FRMPD4: variants seen among roughly 807,000 people sequenced by gnomAD.
The protein encoded by FRMPD4 is FERM and PDZ domain containing 4.
Under a neutral mutation model 94.1 loss-of-function variants are expected in FRMPD4, and 22 were observed. That is an observed-to-expected ratio of 0.23 (90% confidence interval 0.17 to 0.33). FRMPD4 has a LOEUF of 0.33. Among genes scored for constraint, FRMPD4 ranks in the 10% least tolerant of loss-of-function variants. The pLI is 1.00. For missense variants in FRMPD4, 1,111 were observed against 1,339.9 expected (o/e 0.83, Z 2.67); for synonymous variants, 631 against 548.6 (o/e 1.15, Z -2.10).
rs764443016 is a variant in FRMPD4 at position 11,906,437 on chromosome X, G to A, written c.95+28419G>A. 8.1e-5 allele frequency among the ~76,000 whole-genome samples: 9 copies of A among 111,267 alleles called. No individual in the cohort carries two copies. In the East Asian group the frequency reaches 8.4e-4, roughly 10 times the overall value. On this transcript the variant is annotated intron_variant, in intron 3 of 18. Coordinates refer to the FRMPD4 transcript ENST00000640291. ...GCTAGGATTACAGGCGTGAGCCACC[G>A]CACCCGGCCCAATTTCCCTCCATTT...
At chrX:12,278,335 C>T (rs1268813817) in intron 1 of FRMPD4, among the ~76,000 whole-genome samples, 2 of 111,979 alleles carry the variant, frequency 1.8e-5, no homozygotes, top group Admixed American at 1.9e-4. Context: ...TGCTTTTTGT[C>T]ACAGATGCTC....
Position 12,567,266 on chromosome X carries a change from C to A in FRMPD4, c.159-42455C>A, listed in dbSNP as rs190109960. The stretch of plus-strand genomic sequence containing the variant: ...TTGCACAATACTTATTTTCTAAGAA[C>A]CCCTCCAATGCTGGTTGTCCCAGAG... On this transcript the variant is annotated intron_variant, in intron 2 of 16. Coordinates refer to ENST00000675598, the MANE Select transcript of FRMPD4 (RefSeq NM_001368397.1). 5.6e-4 allele frequency among the ~76,000 whole-genome samples: 62 copies of A among 111,693 alleles called. No individual in the cohort carries two copies. In the East Asian group the frequency reaches 0.013, roughly 24 times the overall value.
rs1002228185 is a variant in FRMPD4 at position 12,138,639 on chromosome X, G to A, written c.-333G>A. 1.4e-5 allele frequency: 4 copies of A among 292,398 alleles called. No homozygotes were observed. The highest frequency in any genetic ancestry group is 8.2e-5 in the African/African-American group (3 of 36,431). 24.1% of individuals were successfully genotyped at this position (292,398 alleles called of 1,213,427 possible). A position where few individuals can be genotyped will look rare whatever the true frequency, so the allele number is the denominator to read the frequency against. ...TTCTCTGGACGCCCGGCAGTCCCCG[G>A]GGCTAGAGCGCACGGGGCGGGGCGC... On this transcript the variant is annotated 5_prime_UTR_variant, in exon 1 of 17. Coordinates refer to ENST00000675598, the MANE Select transcript of FRMPD4 (RefSeq NM_001368397.1).
intron 3 of FRMPD4, among the ~76,000 whole-genome samples, chrX:12,087,653 ATATAGT>A (rs1344515938): frequency 2.7e-5 from 3 of 112,600 alleles, no homozygotes; most frequent in African/African-American, 9.7e-5. Flanking sequence ...TTGAATACAA[ATATAGT>A]TATATTATTT....
chrX:12,289,737 C>T (rs576062710), intron 1 of FRMPD4, among the ~76,000 whole-genome samples: 8 of 111,289 alleles, frequency 7.2e-5, no homozygotes, highest in Middle Eastern at 4.6e-3. Context: ...AATATTGATG[C>T]GGAAGAGAAG....
chrX:12,325,086 C>G (rs940247842), intron 1 of FRMPD4, among the ~76,000 whole-genome samples: 1 of 112,376 alleles, frequency 8.9e-6, no homozygotes, highest in Non-Finnish European at 1.9e-5. Flanking sequence ...ATGAACCCAA[C>G]CTGTTTTCCT....
At chrX:12,377,595 G>T (rs929726038) in intron 1 of FRMPD4, among the ~76,000 whole-genome samples, 14 of 112,413 alleles carry the variant, frequency 1.2e-4, no homozygotes, top group African/African-American at 4.2e-4. Flanking sequence ...GATTGAAAAA[G>T]AGCAGCATGA....
At chrX:12,231,640 G>A (rs1378075100) in intron 1 of FRMPD4, among the ~76,000 whole-genome samples, 1 of 111,622 alleles carries the variant, frequency 9.0e-6, no homozygotes, top group Non-Finnish European at 1.9e-5. Flanking sequence ...GCCCTACCCA[G>A]ATTTGCTGGA....
At chrX:11,968,092 C>T (rs908103946) in intron 3 of FRMPD4, among the ~76,000 whole-genome samples, 1 of 110,601 alleles carries the variant, frequency 9.0e-6, no homozygotes, top group African/African-American at 3.3e-5. Context: ...GCTATTTTCC[C>T]AGTAGCCCCA....
At chrX:12,163,518 G>A (rs1201802556) in intron 1 of FRMPD4, among the ~76,000 whole-genome samples, 1 of 102,721 alleles carries the variant, frequency 9.7e-6, no homozygotes, top group Non-Finnish European at 2.0e-5. Context: ...TTGAGGTTTT[G>A]AAGTTTGGTT....
intron 1 of FRMPD4, among the ~76,000 whole-genome samples, chrX:12,381,986 G>A (rs1347339790): frequency 9.0e-6 from 1 of 110,690 alleles, no homozygotes; most frequent in East Asian, 2.8e-4. Flanking sequence ...AAAGGACTGG[G>A]GAAGAGCAAG....
chrX:12,267,925 A>T (rs2054298444), intron 1 of FRMPD4, among the ~76,000 whole-genome samples: 1 of 112,857 alleles, frequency 8.9e-6, no homozygotes, highest in African/African-American at 3.2e-5. Context: ...ATTTTTGGCA[A>T]AAGCAGTGGT....
intron 3 of FRMPD4, among the ~76,000 whole-genome samples, chrX:12,031,077 A>G (rs1004954397): frequency 1.3e-4 from 15 of 112,388 alleles, no homozygotes; most frequent in Non-Finnish European, 2.4e-4. Flanking sequence ...GGGAAAAACT[A>G]TAATGTAACA....
intron 2 of FRMPD4, among the ~76,000 whole-genome samples, chrX:12,506,012 C>T (rs749654499): frequency 3.0e-4 from 34 of 111,888 alleles, no homozygotes; most frequent in African/African-American, 8.8e-4. Context: ...ATTTGCTGCA[C>T]GGAGCATGCC....
At chrX:12,070,629 T>C (rs2054959085) in intron 3 of FRMPD4, among the ~76,000 whole-genome samples, 1 of 111,947 alleles carries the variant, frequency 8.9e-6, no homozygotes, top group African/African-American at 3.2e-5. Flanking sequence ...GTGAACCATA[T>C]AAATAAAGGC....
chrX:12,189,980 TCAA>T (rs2056471709), intron 1 of FRMPD4, among the ~76,000 whole-genome samples: 1 of 110,953 alleles, frequency 9.0e-6, no homozygotes, highest in South Asian at 3.7e-4. Context: ...TCTGAAATAA[TCAA>T]CAAAAAAATT....
intron 12 of FRMPD4, 59 bp downstream of exon 12, chrX:12,706,974 G>T: frequency 1.8e-6 from 1 of 569,823 alleles, no homozygotes; most frequent in Non-Finnish European, 2.7e-6. Context: ...AGCTCATTCC[G>T]CCTCTGATGA....
chrX:12,294,794 A>G (rs1036992916), intron 1 of FRMPD4, among the ~76,000 whole-genome samples: 1 of 111,283 alleles, frequency 9.0e-6, no homozygotes, highest in Non-Finnish European at 1.9e-5. Context: ...TGAATAAATG[A>G]ATACAGAAGG....
intron 1 of FRMPD4, among the ~76,000 whole-genome samples, chrX:12,485,267 C>G (rs2057727747): frequency 8.9e-6 from 1 of 112,476 alleles, no homozygotes; most frequent in South Asian, 3.7e-4. Flanking sequence ...TGGTTGTTCT[C>G]AAATTATTGT....
Sources: gnomAD v4.1 joint callset for allele counts (sites outside exome capture counted in the v4.1 genomes callset) on GRCh38, gnomAD v4.1.1 for gene constraint, MANE v1.5 for transcripts, NCBI Gene and HGNC (gene_info 2026-07-23, HGNC 2026-07-21) for gene names.